The following BAZ2B variants were observed in gnomAD, a reference collection of about 807,000 sequenced individuals.
BAZ2B encodes the protein bromodomain adjacent to zinc finger domain 2B.
In BAZ2B, 91 loss-of-function variants were observed where a neutral mutation model predicts 246.0. The ratio of observed to expected loss-of-function variants is 0.37; its 90% confidence interval spans 0.31 to 0.44. BAZ2B has a LOEUF of 0.44. BAZ2B is among the 20% of genes least tolerant of loss of function. BAZ2B has a pLI of 1.00. For missense variants in BAZ2B, 2,332 were observed against 2,533.7 expected, an observed-to-expected ratio of 0.92 and a Z score of 1.71; for synonymous variants, 855 against 860.0, an observed-to-expected ratio of 0.99 and a Z score of 0.10.
At chr2:159,541,468 G>A (rs781644782) in intron 2 of BAZ2B, among the ~76,000 whole-genome samples, 37 of 151,800 alleles carry the variant, frequency 2.4e-4, no homozygotes, top group Non-Finnish European at 2.9e-5. Flanking sequence ...TAGTAGAGAC[G>A]GGGTTTCACC....
Position 159,320,387 on chromosome 2 carries a change from C to A in BAZ2B, c.6385G>T (p.Val2129Phe), listed in dbSNP as rs529278382. 13 of 1,575,912 alleles carry A rather than the reference C, an allele frequency of 8.2e-6. No homozygotes were observed. In the African/African-American group the frequency reaches 1.8e-4, roughly 22 times the overall value. ...YPNLETFALD[V>F]RLVFDNCETF... ...TCACAGTTGTCAAAAACAAGCCTGA[C>A]ATCTAGAGCAAAGGTTTCAAGGTTT... Residue 2129 changes from valine to phenylalanine, a missense_variant, in exon 37 of 37, where the codon GTC becomes TTC. This residue lies in a region of BAZ2B where 210 missense variants were observed against 232.5 expected (regional missense o/e 0.90). Transcript: ENST00000392783.
intron 3 of BAZ2B, chr2:159,462,434 A>G (rs16844036): frequency 0.057 from 70,582 of 1,228,670 alleles, 2,817 homozygotes; most frequent in African/African-American, 0.14. Context: ...TAGCTGAGTA[A>G]TCTTGTTCCA....
rs537568262 is a variant in BAZ2B at position 159,611,326 on chromosome 2, G to A, written c.-46+4916C>T. Reference sequence around the variant, plus strand: ...CAATGTTCCTTAATTTGATTTATATGAATATCTACCTCAACAAAAATATGT... The same window carrying A: ...CAATGTTCCTTAATTTGATTTATATAAATATCTACCTCAACAAAAATATGT... On this transcript the variant is annotated intron_variant, in intron 1 of 36. Coordinates refer to ENST00000392783, the MANE Select transcript of BAZ2B (RefSeq NM_013450.4). 3.3e-5 allele frequency among the ~76,000 whole-genome samples: 5 copies of A among 151,850 alleles called. No homozygotes were observed. The South Asian group carries it at 1.0e-3, about 32-fold the overall frequency.
Position 159,320,325 on chromosome 2 carries a change from A to G in BAZ2B, c.6447T>C (p.Ala2149=). ...FNEDDSDIGR[A]GHNMRKYFEK... ...CAAAATACTTCCTCATATTGTGGCC[A>G]GCTCTGCCTATATCAGAATCATCTT... Residue 2149 remains alanine, a synonymous_variant, in exon 37 of 37, where the codon GCT becomes GCC. Transcript: ENST00000392783. The G allele has an allele frequency of 6.3e-7, 1 of 1,578,910 alleles. No individual in the cohort carries two copies. The highest frequency in any genetic ancestry group is 8.5e-7 in the Non-Finnish European group (1 of 1,171,266).
intron 3 of BAZ2B, chr2:159,464,364 T>C (rs996511020): frequency 3.3e-5 from 5 of 152,170 alleles, no homozygotes; most frequent in Admixed American, 3.3e-4. Flanking sequence ...AGAGGTATTC[T>C]GTAAAATGTC....
chr2:159,441,910 C>A (rs1018718220), intron 6 of BAZ2B, among the ~76,000 whole-genome samples: 2 of 152,188 alleles, frequency 1.3e-5, no homozygotes, highest in Admixed American at 1.3e-4. Context: ...CTTGAACCTT[C>A]ATTTCACTGT....
chr2:159,455,765 T>G (rs910196923), intron 3 of BAZ2B, among the ~76,000 whole-genome samples: 10 of 62,146 alleles, frequency 1.6e-4, no homozygotes, highest in Admixed American at 2.5e-4. Context: ...ATATTGTGGT[T>G]TTTTTTTTTT....
At chr2:159,537,620 G>C (rs1427101919) in intron 2 of BAZ2B, among the ~76,000 whole-genome samples, 2 of 152,108 alleles carry the variant, frequency 1.3e-5, no homozygotes, top group African/African-American at 2.4e-5. Flanking sequence ...ACTGCTAATT[G>C]CTGAGCCTTT....
the BAZ2B span, among the ~76,000 whole-genome samples, chr2:159,631,888 GTA>G: frequency 4.6e-5 from 7 of 150,882 alleles, no homozygotes; most frequent in Non-Finnish European, 8.9e-5. Context: ...ACATGTATGT[GTA>G]TATATATATA....
chr2:159,648,683 A>G, the BAZ2B span, among the ~76,000 whole-genome samples: 2 of 152,118 alleles, frequency 1.3e-5, no homozygotes, highest in Non-Finnish European at 1.5e-5. Flanking sequence ...ATTGTATTTC[A>G]TTATACAGAT....
chr2:159,473,091 T>A (rs2078026331), intron 3 of BAZ2B, among the ~76,000 whole-genome samples: 1 of 152,198 alleles, frequency 6.6e-6, no homozygotes, highest in African/African-American at 2.4e-5. Flanking sequence ...TCTGGTAGAA[T>A]TCGGCTGTGA....
At chr2:159,329,066 T>C (rs1312991354) in intron 34 of BAZ2B, among the ~76,000 whole-genome samples, 1 of 148,884 alleles carries the variant, frequency 6.7e-6, no homozygotes, top group African/African-American at 2.5e-5. Context: ...AGGTGGAGGT[T>C]GCAGCAGTGA....
chr2:159,617,590 AAATT>A (rs1051193022), upstream of BAZ2B, among the ~76,000 whole-genome samples: 1 of 152,172 alleles, frequency 6.6e-6, no homozygotes, highest in East Asian at 1.9e-4. Flanking sequence ...GAGTAAGTAA[AAATT>A]AAGCTATCGG....
chr2:159,601,640 G>C (rs1270015672), intron 1 of BAZ2B, among the ~76,000 whole-genome samples: 1 of 152,146 alleles, frequency 6.6e-6, no homozygotes, highest in Non-Finnish European at 1.5e-5. Context: ...AGAATCACTT[G>C]AACCTGGGAG....
At position 159,559,265 on chromosome 2, in the gene BAZ2B, G is replaced by A. The variant is rs140080181; in HGVS notation, c.-45-3400C>T. ...TAAAAAAAAAAAAGAAGGTGGCCACGGAGATAAAACACATTACTCTCTCTG... is the reference window on the plus strand; with the variant it reads ...TAAAAAAAAAAAAGAAGGTGGCCACAGAGATAAAACACATTACTCTCTCTG... On this transcript the variant is annotated intron_variant, in intron 1 of 36. Coordinates refer to ENST00000392783, the MANE Select transcript of BAZ2B (RefSeq NM_013450.4). 3.1e-3 allele frequency among the ~76,000 whole-genome samples: 476 copies of A among 151,226 alleles called. 4 individuals carry two copies. The highest frequency in any genetic ancestry group is 0.011 in the African/African-American group (447 of 41,256).
chr2:159,613,873 T>C (rs754408862), intron 1 of BAZ2B, among the ~76,000 whole-genome samples: 62 of 152,160 alleles, frequency 4.1e-4, no homozygotes, highest in Non-Finnish European at 7.4e-4. Flanking sequence ...TGAAGCAAAT[T>C]CCTGGATAAA....
At chr2:159,400,512 G>A (rs764714599) in intron 17 of BAZ2B, 87 bp downstream of exon 17, 257 of 784,878 alleles carry the variant, frequency 3.3e-4, no homozygotes, top group Non-Finnish European at 5.0e-4. Context: ...ATTTGTGTGA[G>A]AAAACATGCA....
At chr2:159,657,505 C>A in the BAZ2B span, among the ~76,000 whole-genome samples, 409 of 152,234 alleles carry the variant, frequency 2.7e-3, 3 homozygotes, top group African/African-American at 9.5e-3. Flanking sequence ...AAATAATTGG[C>A]AATGACTTTG....
intron 31 of BAZ2B, among the ~76,000 whole-genome samples, chr2:159,341,898 A>G (rs1334569215): frequency 1.3e-5 from 2 of 152,254 alleles, no homozygotes; most frequent in African/African-American, 2.4e-5. Context: ...ATAGCAATAA[A>G]TGCCTACATC....
Sources: gnomAD v4.1 joint callset for allele counts (sites outside exome capture counted in the v4.1 genomes callset) on GRCh38, gnomAD v4.1.1 for gene constraint, gnomAD v4.1.1 regional missense constraint, MANE v1.5 for transcripts, NCBI Gene and HGNC (gene_info 2026-07-23, HGNC 2026-07-21) for gene names.